BIN1: variants seen among roughly 807,000 people sequenced by gnomAD.
The protein encoded by BIN1 is myc box-dependent-interacting protein 1.
In BIN1, 53 loss-of-function variants were observed where a neutral mutation model predicts 82.0. The ratio of observed to expected loss-of-function variants is 0.65; its 90% CI spans 0.52 to 0.81. BIN1 has a LOEUF of 0.81. Among genes scored for constraint, BIN1 ranks in the 40% least tolerant of loss-of-function variants. The probability of loss-of-function intolerance (pLI) is 0.00; values close to 1 mark genes in which losing one functional copy is unlikely to be tolerated. For missense variants in BIN1, 642 were observed against 784.4 expected, an observed-to-expected ratio of 0.82 and a Z score of 2.17; for synonymous variants, 302 against 328.0, an observed-to-expected ratio of 0.92 and a Z score of 0.86.
rs961613206 is a variant in BIN1, at chr2:127,091,773, T to C, written c.85-15067A>G. Among the ~76,000 whole-genome samples the C allele has an allele frequency of 4.6e-5, 7 of 151,972 alleles. 1 individual carries two copies. Among genetic ancestry groups the C allele is most frequent in the African/African-American group, 1.5e-4 (6 of 41,356 alleles). On this transcript the variant is annotated intron_variant, in intron 1 of 18. Coordinates refer to ENST00000316724, the MANE Select transcript of BIN1 (RefSeq NM_139343.3). ...TTAGCCAGGTGTGGTGGCATACACC[T>C]GTGGTCCCAGATACCCGGGAGGCTG...
At chr2:127,060,806 G>C (rs568261204) in intron 10 of BIN1, among the ~76,000 whole-genome samples, 3 of 152,290 alleles carry the variant, frequency 2.0e-5, no homozygotes, top group Admixed American at 2.0e-4. Context: ...GTGCTATCCC[G>C]GGGTGCCCTG....
intron 12 of BIN1, chr2:127,054,575 C>T (rs1175012994): frequency 6.3e-6 from 1 of 157,706 alleles, no homozygotes; most frequent in Non-Finnish European, 1.4e-5. Flanking sequence ...GCGACACCAC[C>T]AGCCGTCAGC....
chr2:127,076,594 A>T (rs748397621), intron 2 of BIN1, 32 bp downstream of exon 2: 1 of 1,613,314 alleles, frequency 6.2e-7, no homozygotes, highest in Admixed American at 1.7e-5. Context: ...ATTTTCACAA[A>T]CTCCCTAAGG....
intron 1 of BIN1, among the ~76,000 whole-genome samples, chr2:127,105,791 C>T (rs2105370497): frequency 6.6e-6 from 1 of 152,336 alleles, no homozygotes; most frequent in South Asian, 2.1e-4. Flanking sequence ...GCGCCTCCAC[C>T]CGGCGGCCGC....
chr2:127,072,389 G>A (rs575508992), intron 2 of BIN1, among the ~76,000 whole-genome samples: 113 of 152,298 alleles, frequency 7.4e-4, no homozygotes, highest in Non-Finnish European at 9.1e-4. Context: ...GCAAAGAAGC[G>A]GACAGAGGGT....
rs1682467422 is a variant in BIN1 at position 127,048,580 on chromosome 2, C to T, written c.1728G>A (p.Glu576=). The change falls in exon 19 of 19, where the codon GAG becomes GAA. Residue 576 remains glutamate (E), a synonymous_variant. Coordinates refer to ENST00000316724, the MANE Select transcript of BIN1 (RefSeq NM_139343.3). ...GGAAGACGCCACGGCACTTCTCCAGCTCCTTGTGCTGGTTCCAGTCGCTCT... is the reference window on the plus strand; with the variant it reads ...GGAAGACGCCACGGCACTTCTCCAGTTCCTTGTGCTGGTTCCAGTCGCTCT... ...VKESDWNQHK[E]LEKCRGVFPE... is the part of the protein sequence containing the mutation. 6.2e-7 allele frequency: 1 copy of T among 1,613,848 alleles called. No individual in the cohort carries two copies. Among genetic ancestry groups the T allele is most frequent in the Non-Finnish European group, 8.5e-7 (1 of 1,180,024 alleles).
rs988753427 is a variant in BIN1 at position 127,106,219 on chromosome 2, C to A, written c.84+641G>T. Reference sequence around the variant, plus strand: ...CTGCTGGGGCGAGGGCACCTCCTTGCGGGGTGCGTAGCCCTGGGCTCCCGG... The same window carrying A: ...CTGCTGGGGCGAGGGCACCTCCTTGAGGGGTGCGTAGCCCTGGGCTCCCGG... On this transcript the variant is annotated intron_variant, in intron 1 of 18. Coordinates refer to ENST00000316724, the MANE Select transcript of BIN1 (RefSeq NM_139343.3). Among the ~76,000 whole-genome samples the A allele has an allele frequency of 9.7e-4, 147 of 152,100 alleles. 3 individuals carry two copies. The highest frequency in any genetic ancestry group is 9.6e-3 in the Admixed American group (146 of 15,278).
In BIN1 at chr2:127,068,883, GC is replaced by G. The variant is rs1685500581; in HGVS notation, c.519+40del. 3 of 1,570,966 alleles carry G rather than the reference GC, an allele frequency of 1.9e-6. No homozygotes were observed. The highest frequency in any genetic ancestry group is 2.7e-5 in the African/African-American group (2 of 73,992). ...GGTCCTAGACACCCGCCCTCTCTCA[GC>G]CCCCTGCAGACGCTGCCCCGACCCG... On this transcript the variant is annotated intron_variant, in intron 6 of 18. Transcript: ENST00000316724. This position sits in a 1 kb window ranked among gnomAD's most constrained non-coding sequence, Gnocchi z 4.9.
intron 15 of BIN1, among the ~76,000 whole-genome samples, chr2:127,051,596 C>A (rs527376118): frequency 6.6e-6 from 1 of 152,324 alleles, no homozygotes; most frequent in East Asian, 1.9e-4. Context: ...CACCCGCCCA[C>A]CCTGCTTGAC....
intron 1 of BIN1, among the ~76,000 whole-genome samples, chr2:127,095,134 C>G (rs1037590960): frequency 2.0e-5 from 3 of 152,180 alleles, no homozygotes; most frequent in African/African-American, 7.2e-5. Flanking sequence ...GGGTCCTGTC[C>G]CAGGTTCAGC....
intron 1 of BIN1, among the ~76,000 whole-genome samples, chr2:127,081,037 G>C (rs932804242): frequency 3.9e-5 from 6 of 152,222 alleles, no homozygotes; most frequent in African/African-American, 1.4e-4. Flanking sequence ...GGCCCAGTGA[G>C]AGGGCAGAAG....
At chr2:127,081,053 G>C (rs550808987) in intron 1 of BIN1, among the ~76,000 whole-genome samples, 1 of 152,314 alleles carries the variant, frequency 6.6e-6, no homozygotes, top group South Asian at 2.1e-4. Context: ...AGAAGGCCCT[G>C]GCGTCAGCCG....
chr2:127,068,116 A>G lies in BIN1; in HGVS notation c.612+47T>C, dbSNP rs1458390109. 4 of 1,575,400 alleles carry G rather than the reference A, an allele frequency of 2.5e-6. No homozygotes were observed. In the East Asian group the frequency reaches 9.2e-5, roughly 36 times the overall value. The stretch of plus-strand genomic sequence containing the variant: ...CACCGCAGGGCGAGAGGACAGGACG[A>G]CAGACCGGAAGGCGCCAGCACGTGC... On this transcript the variant is annotated intron_variant, in intron 7 of 18. Coordinates refer to ENST00000316724, the MANE Select transcript of BIN1 (RefSeq NM_139343.3). This position sits in a 1 kb window ranked among gnomAD's most constrained non-coding sequence, Gnocchi z 4.9.
intron 1 of BIN1, among the ~76,000 whole-genome samples, chr2:127,089,880 G>A (rs1019393432): frequency 3.3e-5 from 5 of 152,074 alleles, no homozygotes; most frequent in African/African-American, 1.2e-4. Flanking sequence ...TGATCATGTA[G>A]GTAAGAGGGC....
At chr2:127,084,259 T>A (rs1677842359) in intron 1 of BIN1, among the ~76,000 whole-genome samples, 1 of 152,204 alleles carries the variant, frequency 6.6e-6, no homozygotes, top group African/African-American at 2.4e-5. Context: ...TGGAACCCGC[T>A]GTTACCCAAT....
chr2:127,099,405 T>TC (rs1048796273), intron 1 of BIN1, among the ~76,000 whole-genome samples: 3 of 151,130 alleles, frequency 2.0e-5, no homozygotes, highest in Admixed American at 6.6e-5. Flanking sequence ...CATGGTTCTT[T>TC]CCCCCCCAGG....
rs1685600235 is a variant in BIN1 at position 127,069,607 on chromosome 2, A to G, written c.411+388T>C. Among the ~76,000 whole-genome samples, 10 of 152,202 alleles carry G rather than the reference A, an allele frequency of 6.6e-5. No homozygotes were observed. The South Asian group carries it at 2.1e-3, about 32-fold the overall frequency. On this transcript the variant is annotated intron_variant, in intron 5 of 18. Coordinates refer to ENST00000316724, the MANE Select transcript of BIN1 (RefSeq NM_139343.3). ...CACATGTAGACCCAGACAACAGGTG[A>G]CATGCACACATACCCTTCCAAGCAC...
chr2:127,063,903 A>C (rs780317649), intron 8 of BIN1, 30 bp downstream of exon 8: 1 of 1,612,632 alleles, frequency 6.2e-7, no homozygotes, highest in South Asian at 1.1e-5. Flanking sequence ...ACACTGCCCC[A>C]CGCAGGCTGG....
intron 1 of BIN1, chr2:127,081,927 G>GCCGACC: frequency 7.9e-7 from 1 of 1,258,502 alleles, no homozygotes; most frequent in Non-Finnish European, 1.0e-6. Flanking sequence ...GCCTGCGGTC[G>GCCGACC]GGGGCCACGG....
Sources: gnomAD v4.1 joint callset for allele counts (sites outside exome capture counted in the v4.1 genomes callset) on GRCh38, gnomAD v4.1.1 for gene constraint, Gnocchi (gnomAD v3.1) non-coding constraint, MANE v1.5 for transcripts, NCBI Gene and HGNC (gene_info 2026-07-23, HGNC 2026-07-21) for gene names.